Variants in RGS6 observed in about 807,000 individuals in gnomAD.
RGS6 encodes regulator of G protein signaling 6.
Under a neutral mutation model 78.5 loss-of-function variants are expected in RGS6, and 30 were observed. The ratio of observed to expected loss-of-function variants is 0.38; its 90% CI spans 0.29 to 0.52. The LOEUF is 0.52. RGS6 is among the 20% of genes least tolerant of loss of function. RGS6 has a pLI of 0.85. For synonymous variants in RGS6, 206 were observed against 206.0 expected (o/e 1.00, Z 0.00); for missense variants, 495 against 609.7 (o/e 0.81, Z 1.98).
At chr14:72,283,635 T>A (rs2061967660) in intron 2 of RGS6, among the ~76,000 whole-genome samples, 2 of 152,352 alleles carry the variant, frequency 1.3e-5, no homozygotes, top group South Asian at 4.1e-4. Context: ...GAACTGTGTG[T>A]CCATTAAACT....
chr14:71,876,621 C>T, the RGS6 span, among the ~76,000 whole-genome samples: 2 of 151,240 alleles, frequency 1.3e-5, no homozygotes, highest in African/African-American at 4.9e-5. Flanking sequence ...GGTCTTGACT[C>T]TTTATCCGAT....
rs73306970 is a variant in RGS6, at chr14:72,337,819, T to C, written c.85-14276T>C. ...GAATAAGGGGTTTATTTTCAGATGC[T>C]GGTATTTATCCCACTGAATTTCATT... On this transcript the variant is annotated intron_variant, in intron 2 of 17. Transcript: ENST00000553525. Among the ~76,000 whole-genome samples, 948 of 152,386 alleles carry C rather than the reference T, an allele frequency of 6.2e-3. 4 individuals are homozygous for C. The highest frequency in any genetic ancestry group is 0.02 in the African/African-American group (844 of 41,596).
chr14:72,382,166 C>CA (rs1402421548), intron 3 of RGS6, among the ~76,000 whole-genome samples: 2 of 151,744 alleles, frequency 1.3e-5, no homozygotes, highest in African/African-American at 4.8e-5. Context: ...TAAAAAGAAG[C>CA]CACAATTGGA....
At chr14:72,566,650 C>G (rs1001532747), downstream of RGS6, 1 of 139,602 alleles carries the variant, frequency 7.2e-6, no homozygotes, top group African/African-American at 2.7e-5. Context: ...CACACACACA[C>G]ACACACACAC....
chr14:72,410,403 G>T (rs1461113938), intron 3 of RGS6, among the ~76,000 whole-genome samples: 10 of 152,090 alleles, frequency 6.6e-5, no homozygotes, highest in African/African-American at 9.7e-5. Flanking sequence ...TTGCCCACTT[G>T]TTGATGGGGT....
At chr14:72,274,148 C>G (rs7144038) in intron 2 of RGS6, among the ~76,000 whole-genome samples, 92,581 of 152,060 alleles carry the variant, frequency 0.61, 28,303 homozygotes, top group Non-Finnish European at 0.64. Flanking sequence ...ACATTAGATA[C>G]TCTATTTCCT....
intron 6 of RGS6, among the ~76,000 whole-genome samples, chr14:72,460,436 C>T (rs527841052): frequency 6.6e-6 from 1 of 152,340 alleles, no homozygotes; most frequent in East Asian, 1.9e-4. Flanking sequence ...TATGCATTCT[C>T]ATATCTCCAG....
chr14:72,051,894 C>G (rs548754155), intron 2 of RGS6, among the ~76,000 whole-genome samples: 2 of 152,278 alleles, frequency 1.3e-5, no homozygotes, highest in Non-Finnish European at 2.9e-5. Flanking sequence ...GACTTTTATT[C>G]TCCTTCCTGC....
chr14:72,346,396 C>T (rs747086671), intron 2 of RGS6, among the ~76,000 whole-genome samples: 8 of 152,130 alleles, frequency 5.3e-5, no homozygotes, highest in Non-Finnish European at 1.0e-4. Flanking sequence ...AGGGCCTCTC[C>T]GGGTCATTTC....
the RGS6 span, among the ~76,000 whole-genome samples, chr14:71,920,948 A>G: frequency 6.6e-6 from 1 of 152,220 alleles, no homozygotes; most frequent in Non-Finnish European, 1.5e-5. Context: ...AAATATTTAC[A>G]ATATTTTGCA....
intron 2 of RGS6, among the ~76,000 whole-genome samples, chr14:72,112,270 G>A (rs759892319): frequency 2.2e-4 from 34 of 152,196 alleles, no homozygotes; most frequent in Non-Finnish European, 3.1e-4. Flanking sequence ...TACCACTTAC[G>A]TTTGCATTTC....
At chr14:72,446,159 C>T (rs1288338821) in intron 3 of RGS6, among the ~76,000 whole-genome samples, 5 of 152,246 alleles carry the variant, frequency 3.3e-5, no homozygotes, top group East Asian at 3.9e-4. Context: ...TTGGGAAGAT[C>T]GGGAGAGGCC....
intron 15 of RGS6, among the ~76,000 whole-genome samples, chr14:72,524,659 G>A (rs994891678): frequency 2.0e-5 from 3 of 152,142 alleles, no homozygotes; most frequent in Non-Finnish European, 4.4e-5. Flanking sequence ...TTCAAGTTGG[G>A]AAACCTTGAC....
chr14:72,146,002 A>G (rs187257060), intron 2 of RGS6, among the ~76,000 whole-genome samples: 3 of 152,312 alleles, frequency 2.0e-5, no homozygotes, highest in African/African-American at 4.8e-5. Context: ...TTAAAAACTC[A>G]GAAATTTATT....
intron 9 of RGS6, chr14:72,474,156 A>G (rs2096169239): frequency 6.6e-6 from 1 of 152,532 alleles, no homozygotes; most frequent in African/African-American, 2.4e-5. Context: ...TTTGTAAATA[A>G]TGAGGTTTGA....
At chr14:72,492,260 T>G (rs1170891101) in intron 12 of RGS6, among the ~76,000 whole-genome samples, 2 of 152,212 alleles carry the variant, frequency 1.3e-5, no homozygotes, top group Non-Finnish European at 2.9e-5. Context: ...GTATTTGTGC[T>G]TAGGTTCCAT....
the RGS6 span, among the ~76,000 whole-genome samples, chr14:71,903,666 G>A: frequency 1.7e-4 from 26 of 152,292 alleles, no homozygotes; most frequent in African/African-American, 5.8e-4. Context: ...CAACAAATTC[G>A]AGGAGGAATA....
chr14:71,902,697 C>T, the RGS6 span, among the ~76,000 whole-genome samples: 1 of 151,868 alleles, frequency 6.6e-6, no homozygotes, highest in Non-Finnish European at 1.5e-5. Flanking sequence ...TGCTTCTGGG[C>T]CATGTTATAA....
chr14:72,359,743 C>T (rs2081095402), intron 3 of RGS6, among the ~76,000 whole-genome samples: 1 of 152,202 alleles, frequency 6.6e-6, no homozygotes, highest in Non-Finnish European at 1.5e-5. Flanking sequence ...ATTTCTTGGA[C>T]ACCAATTTTT....
Sources: gnomAD v4.1 joint callset for allele counts (sites outside exome capture counted in the v4.1 genomes callset) on GRCh38, gnomAD v4.1.1 for gene constraint, MANE v1.5 for transcripts, NCBI Gene and HGNC (gene_info 2026-07-23, HGNC 2026-07-21) for gene names.